Variants in LIMCH1 observed in about 807,000 individuals in gnomAD.
LIMCH1 encodes the protein LIM and calponin homology domains-containing protein 1.
A neutral mutation model predicts 176.5 loss-of-function variants in LIMCH1; 113 were observed. That is an observed-to-expected ratio of 0.64 (90% CI 0.55 to 0.75). The LOEUF (loss-of-function observed/expected upper bound fraction) is 0.75, where lower values mean the gene tolerates loss of function less well. Ranked by LOEUF, LIMCH1 falls within the 30% of genes least tolerant of loss-of-function variation. LIMCH1 has a pLI of 0.00. For missense variants in LIMCH1, 1,674 were observed against 1,814.9 expected (o/e 0.92, Z 1.41); for synonymous variants, 619 against 645.9 (o/e 0.96, Z 0.63).
intron 1 of LIMCH1, among the ~76,000 whole-genome samples, chr4:41,470,555 A>G (rs2066800778): frequency 6.6e-6 from 1 of 151,992 alleles, no homozygotes; most frequent in African/African-American, 2.4e-5. Context: ...TTCCTCCTTT[A>G]TCCACTCCAG....
intron 1 of LIMCH1, among the ~76,000 whole-genome samples, chr4:41,408,783 A>C (rs766092458): frequency 1.1e-4 from 16 of 152,180 alleles, no homozygotes; most frequent in Non-Finnish European, 2.2e-4. Flanking sequence ...GATGGTTTAA[A>C]CTTTTGGGAG....
At position 41,360,895 on chromosome 4, in the gene LIMCH1, C is replaced by T. The variant is rs771906793; in HGVS notation, c.55C>T (p.Pro19Ser). 98 of 1,587,876 alleles carry T rather than the reference C, an allele frequency of 6.2e-5. No individual in the cohort carries two copies. Among genetic ancestry groups the T allele is most frequent in the Non-Finnish European group, 8.2e-5 (96 of 1,170,424 alleles). ...TCTTCAGCCCCTGCAGCCCGAGCCG[C>T]CCCCCGAGCCCGCCTTCTCCGAGGC... is the stretch of plus-strand genomic sequence containing the variant. Residue 19 changes from proline to serine, a missense_variant, in exon 1 of 27, where the codon CCC becomes TCC. By Grantham distance (74) the Pro-to-Ser change is moderately conservative (BLOSUM62 -1). Transcript: ENST00000313860. This position sits in a 1 kb window ranked among gnomAD's most constrained non-coding sequence, Gnocchi z 4.5.
At chr4:41,694,294 A>G (rs578129738) in intron 31 of LIMCH1, among the ~76,000 whole-genome samples, 2 of 152,336 alleles carry the variant, frequency 1.3e-5, no homozygotes, top group African/African-American at 4.8e-5. Flanking sequence ...ATTGTTCAGA[A>G]AGACACCACA....
At chr4:41,524,100 A>G (rs947739453) in intron 2 of LIMCH1, among the ~76,000 whole-genome samples, 1 of 152,210 alleles carries the variant, frequency 6.6e-6, no homozygotes, top group Non-Finnish European at 1.5e-5. Flanking sequence ...TTCCAGTTCC[A>G]GATAATTCCC....
intron 14 of LIMCH1, among the ~76,000 whole-genome samples, chr4:41,640,591 C>T (rs1214645854): frequency 6.6e-6 from 1 of 152,104 alleles, no homozygotes; most frequent in Non-Finnish European, 1.5e-5. Context: ...TAGGGATATC[C>T]AAAGTGCTGA....
upstream of LIMCH1, chr4:41,359,758 C>T (rs967534082): frequency 6.6e-6 from 1 of 152,186 alleles, no homozygotes; most frequent in African/African-American, 2.4e-5. Context: ...CTCTTCAGCT[C>T]ACTGACCATC....
At chr4:41,419,600 T>TTCCG (rs1310173427) in intron 1 of LIMCH1, among the ~76,000 whole-genome samples, 1 of 69,288 alleles carries the variant, frequency 1.4e-5, no homozygotes, top group African/African-American at 1.1e-4. Flanking sequence ...CCTTCCTTCC[T>TTCCG]TCCGTCCTTC....
chr4:41,657,939 T>C, intron 18 of LIMCH1, among the ~76,000 whole-genome samples: 1 of 151,984 alleles, frequency 6.6e-6, no homozygotes, highest in Non-Finnish European at 1.5e-5. Context: ...AGAAAGGGAA[T>C]GGAAAAAGCA....
intron 1 of LIMCH1, among the ~76,000 whole-genome samples, chr4:41,548,491 A>G (rs1185600701): frequency 1.3e-5 from 2 of 152,108 alleles, no homozygotes; most frequent in Non-Finnish European, 2.9e-5. Context: ...CTTATTCAAA[A>G]AGCTGGGCTG....
intron 1 of LIMCH1, among the ~76,000 whole-genome samples, chr4:41,420,564 G>A (rs2154130705): frequency 6.6e-6 from 1 of 152,298 alleles, no homozygotes; most frequent in South Asian, 2.1e-4. Flanking sequence ...GTTATTTGAT[G>A]GATGAGTTGG....
At chr4:41,510,832 G>A (rs140808594) in intron 2 of LIMCH1, among the ~76,000 whole-genome samples, 284 of 152,186 alleles carry the variant, frequency 1.9e-3, no homozygotes, top group South Asian at 6.6e-3. Context: ...CAGGTGATCC[G>A]CCCACCTCGG....
At chr4:41,684,666 T>A (rs1719136300) in intron 27 of LIMCH1, 148 bp downstream of exon 27, 2 of 812,120 alleles carry the variant, frequency 2.5e-6, no homozygotes, top group African/African-American at 1.7e-5. Context: ...GTGAATAAAC[T>A]TCTACCATCG....
chr4:41,390,830 C>A (rs2057149507), intron 1 of LIMCH1, among the ~76,000 whole-genome samples: 1 of 152,162 alleles, frequency 6.6e-6, no homozygotes, highest in Non-Finnish European at 1.5e-5. Flanking sequence ...TCATGGGGAA[C>A]AGTGGTTAGC....
chr4:41,663,022 A>C (rs768711809), intron 20 of LIMCH1, 38 bp downstream of exon 20: 1 of 1,589,690 alleles, frequency 6.3e-7, no homozygotes, highest in Admixed American at 1.7e-5. Context: ...TAAACCCACA[A>C]GTTAACATGG....
Position 41,509,313 on chromosome 4 carries a change from T to C in LIMCH1, c.167+14707T>C, listed in dbSNP as rs140918767. Reference sequence around the variant, plus strand: ...TTCCAACCCCTCTTCTGTAGATGATTAGATGGAGACCCGAGGTGGTAGGGC... The same window carrying C: ...TTCCAACCCCTCTTCTGTAGATGATCAGATGGAGACCCGAGGTGGTAGGGC... On this transcript the variant is annotated intron_variant, in intron 2 of 26. Coordinates refer to the LIMCH1 transcript ENST00000313860. Among the ~76,000 whole-genome samples, 5 of 152,274 alleles carry C rather than the reference T, an allele frequency of 3.3e-5. No homozygotes were observed. The East Asian group carries it at 9.7e-4, about 29-fold the overall frequency.
intron 1 of LIMCH1, among the ~76,000 whole-genome samples, chr4:41,379,307 T>C (rs2055274158): frequency 6.6e-6 from 1 of 152,190 alleles, no homozygotes; most frequent in East Asian, 1.9e-4. Context: ...CAGGAGGTAT[T>C]AGTTCCTGTC....
intron 1 of LIMCH1, among the ~76,000 whole-genome samples, chr4:41,579,304 C>G (rs1006733978): frequency 6.6e-6 from 1 of 152,154 alleles, no homozygotes; most frequent in Admixed American, 6.5e-5. Context: ...TGAAATTGAT[C>G]GGGCATAATG....
chr4:41,665,593 G>A (rs1325217464), intron 20 of LIMCH1, among the ~76,000 whole-genome samples: 9 of 152,058 alleles, frequency 5.9e-5, no homozygotes, highest in African/African-American at 1.9e-4. Context: ...GGTCTCACTC[G>A]CCCTGAGGTC....
At chr4:41,370,799 T>G (rs886399256) in intron 1 of LIMCH1, among the ~76,000 whole-genome samples, 6 of 152,186 alleles carry the variant, frequency 3.9e-5, no homozygotes, top group Non-Finnish European at 8.8e-5. Context: ...GTGTAGGTGC[T>G]TGCATGAGGT....
Sources: allele counts gnomAD v4.1 joint callset (sites outside exome capture counted in the v4.1 genomes callset), GRCh38; gene constraint gnomAD v4.1.1; non-coding constraint Gnocchi (gnomAD v3.1); transcripts MANE v1.5; gene names NCBI Gene and HGNC (gene_info 2026-07-23, HGNC 2026-07-21).